The following FMNL2 variants were observed in gnomAD, a reference collection of about 807,000 sequenced individuals.
FMNL2 encodes the protein formin like 2.
In FMNL2, 51 loss-of-function variants were observed where a neutral mutation model predicts 130.2. The ratio of observed to expected loss-of-function variants is 0.39; its 90% CI spans 0.31 to 0.49. FMNL2 has a LOEUF of 0.49. FMNL2 is among the 20% of genes least tolerant of loss of function. The pLI, the probability that FMNL2 is intolerant of heterozygous loss-of-function variation, is 0.85. For missense variants in FMNL2, 977 were observed against 1,316.2 expected, an observed-to-expected ratio of 0.74 and a Z score of 3.99; for synonymous variants, 465 against 467.1, an observed-to-expected ratio of 1.00 and a Z score of 0.06.
At chr2:152,441,316 A>G (rs931239347) in intron 1 of FMNL2, among the ~76,000 whole-genome samples, 1 of 152,236 alleles carries the variant, frequency 6.6e-6, no homozygotes, top group Non-Finnish European at 1.5e-5. Flanking sequence ...AGCATTAACA[A>G]GTTCGCTAGA....
At chr2:152,612,023 A>G (rs1040756594) in intron 11 of FMNL2, among the ~76,000 whole-genome samples, 1 of 149,790 alleles carries the variant, frequency 6.7e-6, no homozygotes, top group Non-Finnish European at 1.5e-5. Flanking sequence ...CTTAGAGCAT[A>G]AAAAAAAAAT....
intron 5 of FMNL2, among the ~76,000 whole-genome samples, chr2:152,560,569 A>G (rs772273350): frequency 7.2e-5 from 11 of 152,234 alleles, no homozygotes; most frequent in Non-Finnish European, 1.2e-4. Context: ...TCCCCCTTCC[A>G]TCATACCAAT....
At chr2:152,568,883 A>C (rs945148366) in intron 6 of FMNL2, among the ~76,000 whole-genome samples, 2 of 152,124 alleles carry the variant, frequency 1.3e-5, no homozygotes, top group Admixed American at 1.3e-4. Context: ...ACACAGCCAA[A>C]CCATATCATT....
At chr2:152,444,172 G>T (rs1411809109) in intron 1 of FMNL2, among the ~76,000 whole-genome samples, 1 of 152,192 alleles carries the variant, frequency 6.6e-6, no homozygotes, top group East Asian at 1.9e-4. Context: ...AGAGGGTGGG[G>T]TAGCTGGGGG....
chr2:152,442,312 C>A (rs947492980), intron 1 of FMNL2, among the ~76,000 whole-genome samples: 4 of 150,706 alleles, frequency 2.7e-5, no homozygotes, highest in Non-Finnish European at 1.5e-5. Flanking sequence ...AGTGCAATGG[C>A]GCGATCTTGG....
At chr2:152,645,597 G>A (rs1286357878) in intron 25 of FMNL2, 2 of 1,004,190 alleles carry the variant, frequency 2.0e-6, no homozygotes, top group Non-Finnish European at 1.4e-6. Context: ...ATCTATGGCT[G>A]AGGGTAATAC....
chr2:152,428,246 A>G (rs1687295577), intron 1 of FMNL2, among the ~76,000 whole-genome samples: 2 of 152,202 alleles, frequency 1.3e-5, no homozygotes, highest in South Asian at 4.1e-4. Context: ...CTATCCTGCA[A>G]AACAAAAGCA....
intron 1 of FMNL2, among the ~76,000 whole-genome samples, chr2:152,454,306 T>C (rs1688828307): frequency 6.6e-6 from 1 of 152,122 alleles, no homozygotes. Flanking sequence ...GTTTTTTCTT[T>C]GCAGTTGGGA....
chr2:152,485,278 G>A lies in FMNL2; in HGVS notation c.118-36665G>A, dbSNP rs928397057. Among the ~76,000 whole-genome samples, 4 of 152,174 alleles carry A rather than the reference G, an allele frequency of 2.6e-5. No individual in the cohort carries two copies. In the East Asian group the frequency reaches 7.7e-4, roughly 29 times the overall value. The stretch of plus-strand genomic sequence containing the variant: ...GAGGCCAAGGCGGGCAGATCACGAG[G>A]TCAAGAGATCAAGACCATCCTGGCC... On this transcript the variant is annotated intron_variant, in intron 1 of 25. Coordinates refer to ENST00000288670, the MANE Select transcript of FMNL2 (RefSeq NM_052905.4).
At chr2:152,337,737 G>A (rs7585911) in intron 1 of FMNL2, among the ~76,000 whole-genome samples, 73,630 of 151,846 alleles carry the variant, frequency 0.48, 19,847 homozygotes, top group Non-Finnish European at 0.62. Flanking sequence ...ACTGTGTGTC[G>A]CAGTTACTGG....
chr2:152,556,148 G>GA (rs1218910085), intron 4 of FMNL2, among the ~76,000 whole-genome samples: 1 of 152,154 alleles, frequency 6.6e-6, no homozygotes, highest in East Asian at 1.9e-4. Context: ...ATAATAGTTA[G>GA]AAAAATGGGG....
intron 25 of FMNL2, among the ~76,000 whole-genome samples, chr2:152,644,956 A>G (rs1683418774): frequency 6.6e-6 from 1 of 152,190 alleles, no homozygotes; most frequent in South Asian, 2.1e-4. Context: ...CACATACTCT[A>G]ATTGGACGTA....
chr2:152,639,861 C>T, intron 23 of FMNL2, 97 bp from the exon 24 acceptor site: 1 of 1,026,734 alleles, frequency 9.7e-7, no homozygotes, highest in African/African-American at 1.6e-5. Flanking sequence ...TATTGTAATT[C>T]TCAACTCACT....
In FMNL2 at chr2:152,628,386, C is replaced by T. The variant is rs765553716; in HGVS notation, c.2253C>T (p.Leu751=). Residue 751 remains leucine, a synonymous_variant, in exon 18 of 26, where the codon CTC becomes CTT. Coordinates refer to ENST00000288670, the MANE Select transcript of FMNL2 (RefSeq NM_052905.4). ...AGAATGAAGTGAAAGTGCTTCGGCTCTACGAGCGGGAAAGGAAGCCTCTGG... is the reference window on the plus strand; with the variant it reads ...AGAATGAAGTGAAAGTGCTTCGGCTTTACGAGCGGGAAAGGAAGCCTCTGG... ...PTENEVKVLR[L]YERERKPLEN... 8 of 1,614,040 alleles carry T rather than the reference C, an allele frequency of 5.0e-6. No homozygotes were observed. The highest frequency in any genetic ancestry group is 6.8e-6 in the Non-Finnish European group (8 of 1,179,900).
rs1370839152 is a variant in FMNL2, at chr2:152,515,522, C to T, written c.118-6421C>T. 5.3e-5 allele frequency among the ~76,000 whole-genome samples: 8 copies of T among 152,240 alleles called. No homozygotes were observed. In the South Asian group the frequency reaches 8.3e-4, roughly 16 times the overall value. ...ATCATGCATTTCCACCTTCACTTTT[C>T]GTGCTAATGACTGTGTCTGGTTATT... On this transcript the variant is annotated intron_variant, in intron 1 of 25. Coordinates refer to ENST00000288670, the MANE Select transcript of FMNL2 (RefSeq NM_052905.4).
chr2:152,390,512 G>A (rs1685052831), intron 1 of FMNL2: 17 of 1,547,244 alleles, frequency 1.1e-5, no homozygotes, highest in South Asian at 7.8e-5. Context: ...AAAAGATGAT[G>A]TATGACCAGA....
chr2:152,546,495 C>A (rs1239979907), intron 3 of FMNL2, among the ~76,000 whole-genome samples: 1 of 152,078 alleles, frequency 6.6e-6, no homozygotes, highest in Non-Finnish European at 1.5e-5. Context: ...CTATCTGCCC[C>A]CATGACCCAA....
At chr2:152,626,242 G>A (rs1214625867) in intron 16 of FMNL2, among the ~76,000 whole-genome samples, 1 of 151,948 alleles carries the variant, frequency 6.6e-6, no homozygotes, top group African/African-American at 2.4e-5. Flanking sequence ...TCATCATGTT[G>A]GCCAGGCTGG....
At chr2:152,413,057 T>A (rs1368888557) in intron 1 of FMNL2, among the ~76,000 whole-genome samples, 1 of 152,132 alleles carries the variant, frequency 6.6e-6, no homozygotes, top group Non-Finnish European at 1.5e-5. Flanking sequence ...TTTCCTTCCT[T>A]CTTATCTTCC....
Sources: gnomAD v4.1 joint callset for allele counts (sites outside exome capture counted in the v4.1 genomes callset) on GRCh38, gnomAD v4.1.1 for gene constraint, MANE v1.5 for transcripts, NCBI Gene and HGNC (gene_info 2026-07-23, HGNC 2026-07-21) for gene names.